Variants in SEMA3E observed in about 807,000 individuals in gnomAD.
The protein encoded by SEMA3E is semaphorin 3E.
SEMA3E carries 49 observed loss-of-function variants against 93.6 expected under a neutral mutation model. The ratio of observed to expected loss-of-function variants is 0.52; its 90% CI spans 0.42 to 0.66. The LOEUF is 0.66. SEMA3E is among the 30% of genes least tolerant of loss of function. The probability of loss-of-function intolerance (pLI) is 0.00; values close to 1 mark genes in which losing one functional copy is unlikely to be tolerated. For missense variants in SEMA3E, 906 were observed against 964.8 expected, an observed-to-expected ratio of 0.94 and a Z score of 0.81; for synonymous variants, 363 against 330.7, an observed-to-expected ratio of 1.10 and a Z score of -1.06.
chr7:83,517,807 A>G lies in SEMA3E; in HGVS notation c.116-27533T>C, dbSNP rs149677233. ...CCCATATACTTGTTATGCAAAGGAA[A>G]ATGAAATTTCCTGGTTTGTAACCAC... On this transcript the variant is annotated intron_variant, in intron 1 of 16. Coordinates refer to ENST00000643230, the MANE Select transcript of SEMA3E (RefSeq NM_012431.3). Among the ~76,000 whole-genome samples, 653 of 152,244 alleles carry G rather than the reference A, an allele frequency of 4.3e-3. 5 individuals are homozygous for G. The highest frequency in any genetic ancestry group is 0.015 in the African/African-American group (611 of 41,534).
intron 1 of SEMA3E, among the ~76,000 whole-genome samples, chr7:83,642,096 A>G (rs1794019734): frequency 6.6e-6 from 1 of 152,186 alleles, no homozygotes. Context: ...GGCTTAAACT[A>G]GCTGCTATGT....
chr7:83,411,135 A>C (rs1788431830), intron 5 of SEMA3E, among the ~76,000 whole-genome samples: 2 of 152,084 alleles, frequency 1.3e-5, no homozygotes, highest in African/African-American at 4.8e-5. Flanking sequence ...TTATCGTTTT[A>C]ACCAATGCTA....
intron 1 of SEMA3E, among the ~76,000 whole-genome samples, chr7:83,586,157 A>G (rs1053274251): frequency 6.6e-6 from 1 of 152,168 alleles, no homozygotes; most frequent in South Asian, 2.1e-4. Flanking sequence ...CTTTTAAGAG[A>G]CACACTGAGA....
At chr7:83,497,304 AC>A (rs1169172214) in intron 1 of SEMA3E, among the ~76,000 whole-genome samples, 2 of 152,176 alleles carry the variant, frequency 1.3e-5, no homozygotes, top group African/African-American at 4.8e-5. Context: ...CAGCTCTCAA[AC>A]AAAAATAGAT....
At chr7:83,544,242 C>T (rs1055486598) in intron 1 of SEMA3E, among the ~76,000 whole-genome samples, 26 of 151,918 alleles carry the variant, frequency 1.7e-4, no homozygotes, top group African/African-American at 3.1e-4. Flanking sequence ...TTCCTTACTT[C>T]GCCATTTATT....
intron 1 of SEMA3E, among the ~76,000 whole-genome samples, chr7:83,546,177 A>G (rs1041526152): frequency 2.7e-5 from 4 of 150,250 alleles, no homozygotes; most frequent in African/African-American, 9.8e-5. Flanking sequence ...TATCTATACC[A>G]GTATCTTATA....
At chr7:83,565,541 A>G (rs754398023) in intron 1 of SEMA3E, among the ~76,000 whole-genome samples, 3 of 152,242 alleles carry the variant, frequency 2.0e-5, no homozygotes, top group Non-Finnish European at 4.4e-5. Flanking sequence ...GAAAATAAAA[A>G]GTATTATGCA....
chr7:83,514,746 G>C (rs1409016513), intron 1 of SEMA3E, among the ~76,000 whole-genome samples: 1 of 152,014 alleles, frequency 6.6e-6, no homozygotes, highest in Non-Finnish European at 1.5e-5. Flanking sequence ...AATGAAGTTA[G>C]AGGTACATGG....
rs1054530085 is a variant in SEMA3E at position 83,480,767 on chromosome 7, C to G, written c.276+9347G>C. 2.6e-5 allele frequency among the ~76,000 whole-genome samples: 4 copies of G among 152,044 alleles called. No homozygotes were observed. In the East Asian group the frequency reaches 7.7e-4, roughly 29 times the overall value. On this transcript the variant is annotated intron_variant, in intron 2 of 16. Coordinates refer to ENST00000643230, the MANE Select transcript of SEMA3E (RefSeq NM_012431.3). ...TTACCAGCAACTGAAGTTTAAATAA[C>G]TATGCATTATGTAGAAATAAAATTT...
At position 83,433,522 on chromosome 7, in the gene SEMA3E, ATTAGT is replaced by A. The variant is rs1367396895; in HGVS notation, c.457-15044_457-15040del. Among the ~76,000 whole-genome samples, 7 of 152,198 alleles carry A rather than the reference ATTAGT, an allele frequency of 4.6e-5. 1 individual carries two copies. The highest frequency in any genetic ancestry group is 1.7e-4 in the African/African-American group (7 of 41,580). ...ACAACAACCTTAACAATGCTTCCCA[ATTAGT>A]TTAGAAGCATCTTTTAAATTAATAA... On this transcript the variant is annotated intron_variant, in intron 4 of 16. Coordinates refer to ENST00000643230, the MANE Select transcript of SEMA3E (RefSeq NM_012431.3).
intron 1 of SEMA3E, among the ~76,000 whole-genome samples, chr7:83,508,855 T>TATG (rs2115637775): frequency 6.6e-6 from 1 of 152,320 alleles, no homozygotes; most frequent in South Asian, 2.1e-4. Context: ...TACCCTACTA[T>TATG]ATGACCAAAA....
At chr7:83,489,012 G>T (rs1384877811) in intron 2 of SEMA3E, among the ~76,000 whole-genome samples, 1 of 152,022 alleles carries the variant, frequency 6.6e-6, no homozygotes, top group African/African-American at 2.4e-5. Context: ...CAGAAGAAAG[G>T]GAGGGAAAAG....
chr7:83,413,485 A>T (rs1788484226), intron 5 of SEMA3E, among the ~76,000 whole-genome samples: 1 of 152,150 alleles, frequency 6.6e-6, no homozygotes, highest in African/African-American at 2.4e-5. Flanking sequence ...TCTATTGTGG[A>T]TGGACTGTTT....
chr7:83,598,162 C>A (rs570042876), intron 1 of SEMA3E, among the ~76,000 whole-genome samples: 2 of 152,218 alleles, frequency 1.3e-5, no homozygotes, highest in South Asian at 4.2e-4. Flanking sequence ...GCTGAGAATG[C>A]TGAAGCAGGG....
At chr7:83,372,547 A>G in intron 16 of SEMA3E, 1 of 320,210 alleles carries the variant, frequency 3.1e-6, no homozygotes, top group Non-Finnish European at 5.6e-6. Context: ...TTAAAAAAGC[A>G]GGGTTTAAAA....
chr7:83,503,168 C>T (rs1186518305), intron 1 of SEMA3E, among the ~76,000 whole-genome samples: 1 of 152,034 alleles, frequency 6.6e-6, no homozygotes, highest in Non-Finnish European at 1.5e-5. Context: ...GGAAATTTCA[C>T]AATTACATGA....
chr7:83,457,880 C>T (rs1359085523), intron 4 of SEMA3E, among the ~76,000 whole-genome samples: 1 of 152,086 alleles, frequency 6.6e-6, no homozygotes, highest in Non-Finnish European at 1.5e-5. Context: ...TTCCATAAAT[C>T]CCTGCCTCTT....
intron 1 of SEMA3E, among the ~76,000 whole-genome samples, chr7:83,567,666 A>G (rs1399901995): frequency 6.6e-6 from 1 of 152,188 alleles, no homozygotes; most frequent in Non-Finnish European, 1.5e-5. Context: ...CCATTGAGTC[A>G]AAGAAAAAAC....
chr7:83,528,539 T>C (rs1791217892), intron 1 of SEMA3E, among the ~76,000 whole-genome samples: 1 of 152,104 alleles, frequency 6.6e-6, no homozygotes, highest in African/African-American at 2.4e-5. Flanking sequence ...AATTTCTTTA[T>C]AAGTTCAATT....
Sources: allele counts gnomAD v4.1 joint callset (sites outside exome capture counted in the v4.1 genomes callset), GRCh38; gene constraint gnomAD v4.1.1; transcripts MANE v1.5; gene names NCBI Gene and HGNC (gene_info 2026-07-23, HGNC 2026-07-21).